Variants in NIPBL observed in about 807,000 individuals in gnomAD.
The protein encoded by NIPBL is nipped-B-like protein.
In NIPBL, 19 loss-of-function variants were observed where a neutral mutation model predicts 321.8. The observed-to-expected ratio is 0.06, with a 90% CI of 0.04 to 0.09. The LOEUF (loss-of-function observed/expected upper bound fraction) is 0.09, where lower values mean the gene tolerates loss of function less well. Ranked by LOEUF, NIPBL falls within the 10% of genes least tolerant of loss-of-function variation. NIPBL has a pLI of 1.00. For synonymous variants in NIPBL, 1,106 were observed against 1,114.1 expected, an observed-to-expected ratio of 0.99 and a Z score of 0.14; for missense variants, 2,210 against 3,327.0, an observed-to-expected ratio of 0.66 and a Z score of 8.26.
chr5:36,886,368 G>C (rs1035189005), intron 1 of NIPBL: 37 of 720,612 alleles, frequency 5.1e-5, no homozygotes, highest in Admixed American at 9.2e-5. Flanking sequence ...AAGATGGCAA[G>C]AACTTCAGTC....
At chr5:37,026,185 G>A (rs760071288) in intron 30 of NIPBL, 44 bp from the exon 31 acceptor site, 76 of 1,137,278 alleles carry the variant, frequency 6.7e-5, no homozygotes, top group Middle Eastern at 5.8e-4. Context: ...TGAAATTGCC[G>A]TATTTGTTAT....
chr5:36,955,748 T>TA (rs1464453370), intron 3 of NIPBL, 111 bp downstream of exon 3: 1 of 806,090 alleles, frequency 1.2e-6, no homozygotes, highest in Middle Eastern at 2.6e-4. Flanking sequence ...GTTTATTTTT[T>TA]AAAAATATCC....
chr5:36,995,657 C>G lies in NIPBL; in HGVS notation c.3157C>G (p.Pro1053Ala), dbSNP rs1025446953. 6.8e-6 allele frequency: 11 copies of G among 1,613,164 alleles called. No individual in the cohort carries two copies. The highest frequency in any genetic ancestry group is 9.3e-6 in the Non-Finnish European group (11 of 1,179,430). The change falls in exon 11 of 47, where the codon CCT (proline) becomes GCT (alanine). Residue 1053 changes from proline (P) to alanine (A), a missense_variant. This residue lies in a region of NIPBL where 381 missense variants were observed against 642.3 expected (regional missense o/e 0.59). Transcript: ENST00000282516. ...IDQSVLKELP[P>A]ELLAEIESTM... Reference sequence around the variant, plus strand: ...TCAATCAGTGTTAAAAGAATTACCCCCTGAACTCCTGGCAGAAATTGAGTC... The same window carrying G: ...TCAATCAGTGTTAAAAGAATTACCCGCTGAACTCCTGGCAGAAATTGAGTC...
intron 34 of NIPBL, among the ~76,000 whole-genome samples, chr5:37,043,304 T>A (rs780157335): frequency 6.6e-6 from 1 of 151,922 alleles, no homozygotes; most frequent in Admixed American, 6.6e-5. Flanking sequence ...CCGAGGCAGG[T>A]GGATCACGAG....
intron 19 of NIPBL, 114 bp downstream of exon 19, chr5:37,008,202 TC>T: frequency 1.4e-6 from 1 of 715,244 alleles, no homozygotes; most frequent in South Asian, 1.5e-5. Flanking sequence ...TACATTCATT[TC>T]AATCTAAGGA....
At position 36,961,555 on chromosome 5, in the gene NIPBL, C is replaced by G; in HGVS notation, c.430C>G (p.Gln144Glu). 1 of 1,607,982 alleles carries G rather than the reference C, an allele frequency of 6.2e-7. No individual in the cohort carries two copies. The highest frequency in any genetic ancestry group is 8.5e-7 in the Non-Finnish European group (1 of 1,174,542). ...TAGTCCTGCATCTTCCAATTATCAACAAACCACTATCTCACATAGCCCCTC... is the reference window on the plus strand; with the variant it reads ...TAGTCCTGCATCTTCCAATTATCAAGAAACCACTATCTCACATAGCCCCTC... The part of the protein sequence containing the change: ...HSSPASSNYQ[Q>E]TTISHSPSSR... Residue 144 changes from glutamine (Q) to glutamate (E), a missense_variant, in exon 5 of 47, where the codon CAA (glutamine) becomes GAA (glutamate). Physicochemically the swap from Gln to Glu is conservative, Grantham distance 29 (BLOSUM62 2). Coordinates refer to ENST00000282516, the MANE Select transcript of NIPBL (RefSeq NM_133433.4).
At chr5:37,046,272 A>G (rs1752970847) in intron 38 of NIPBL, 73 bp downstream of exon 38, 8 of 866,818 alleles carry the variant, frequency 9.2e-6, no homozygotes, top group East Asian at 2.5e-5. Context: ...TTGTGAATCT[A>G]AATTGTTGAT....
At chr5:37,049,437 G>A in intron 40 of NIPBL, 136 bp downstream of exon 40, 1 of 949,110 alleles carries the variant, frequency 1.1e-6, no homozygotes. Context: ...GAATCTGGCA[G>A]TTTTAGATAA....
chr5:37,033,730 A>ATTTTTTTTTTTT (rs58081432), intron 32 of NIPBL, among the ~76,000 whole-genome samples: 2 of 21,506 alleles, frequency 9.3e-5, no homozygotes, highest in African/African-American at 2.0e-4. Context: ...ATATATATAT[A>ATTTTTTTTTTTT]TTTTTTTTTT....
At chr5:36,910,522 T>C (rs1033085381) in intron 1 of NIPBL, among the ~76,000 whole-genome samples, 2 of 152,206 alleles carry the variant, frequency 1.3e-5, no homozygotes, top group African/African-American at 2.4e-5. Flanking sequence ...TTATTGTTCT[T>C]CCTGTCTTTA....
chr5:36,903,682 A>T (rs1747409083), intron 1 of NIPBL, among the ~76,000 whole-genome samples: 1 of 152,192 alleles, frequency 6.6e-6, no homozygotes, highest in Non-Finnish European at 1.5e-5. Context: ...GGAGAACTTT[A>T]TTTAAACTTT....
chr5:36,957,970 T>C, intron 3 of NIPBL, 134 bp from the exon 4 acceptor site: 2 of 780,742 alleles, frequency 2.6e-6, no homozygotes, highest in South Asian at 3.1e-5. Context: ...GGGACAAGAG[T>C]GAGACTTCGT....
rs1331956380 is a variant in NIPBL at position 36,889,927 on chromosome 5, TACATGCTGTTTGGGA to T, written c.-80+12751_-80+12765del. On this transcript the variant is annotated intron_variant, in intron 1 of 46. Coordinates refer to ENST00000282516, the MANE Select transcript of NIPBL (RefSeq NM_133433.4). ...GTAGAACCAATGTGAAAAAAAAAAC[TACATGCTGTTTGGGA>T]AATGGGAAAAATATCAAATTTTATG... is the stretch of plus-strand genomic sequence containing the variant. Among the ~76,000 whole-genome samples the T allele has an allele frequency of 8.1e-3, 1,232 of 152,046 alleles. 11 individuals are homozygous for T. The highest frequency in any genetic ancestry group is 0.028 in the African/African-American group (1,170 of 41,538).
intron 42 of NIPBL, among the ~76,000 whole-genome samples, chr5:37,053,066 G>A (rs1753738725): frequency 6.6e-6 from 1 of 152,052 alleles, no homozygotes; most frequent in African/African-American, 2.4e-5. Context: ...TGAAACCATG[G>A]ATAGTACTAA....
chr5:36,971,998 A>G lies in NIPBL; in HGVS notation c.825A>G (p.Pro275=). ...RNAASFPLRS[P]QPVCSPAGSE... ...CTGCATCTTTTCCCTTGAGATCTCC[A>G]CAGCCAGTATGCTCCCCTGCTGGAA... Residue 275 remains proline, a synonymous_variant, in exon 8 of 47, where the codon CCA becomes CCG. Coordinates refer to ENST00000282516, the MANE Select transcript of NIPBL (RefSeq NM_133433.4). 1 of 1,613,572 alleles carries G rather than the reference A, an allele frequency of 6.2e-7. No individual in the cohort carries two copies. The highest frequency in any genetic ancestry group is 8.5e-7 in the Non-Finnish European group (1 of 1,179,640).
chr5:36,985,769 T>C lies in NIPBL; in HGVS notation c.2589T>C (p.Thr863=), dbSNP rs775361188. 1.2e-6 allele frequency: 2 copies of C among 1,613,688 alleles called. No individual in the cohort carries two copies. The highest frequency in any genetic ancestry group is 2.2e-5 in the East Asian group (1 of 44,842). Residue 863 remains threonine (T), a synonymous_variant, in exon 10 of 47, where the codon ACT becomes ACC. Transcript: ENST00000282516. The part of the protein sequence containing the change: ...EHGIKSDSSK[T]DKLERKHRHE... ...GCATTAAATCTGATAGTTCAAAAACTGATAAACTAGAACGAAAACACAGGC... is the reference window on the plus strand; with the variant it reads ...GCATTAAATCTGATAGTTCAAAAACCGATAAACTAGAACGAAAACACAGGC...
At position 37,024,730 on chromosome 5, in the gene NIPBL, C is replaced by T; in HGVS notation, c.5709+11C>T. 5.0e-6 allele frequency: 8 copies of T among 1,603,336 alleles called. No individual in the cohort carries two copies. The highest frequency in any genetic ancestry group is 6.8e-6 in the Non-Finnish European group (8 of 1,173,692). Reference sequence around the variant, plus strand: ...GAAGAGGGCATTAAGGTAGTGTTGACTGTTTTAAATTTATTTTTCATTAAT... The same window carrying T: ...GAAGAGGGCATTAAGGTAGTGTTGATTGTTTTAAATTTATTTTTCATTAAT... On this transcript the variant is annotated intron_variant, in intron 30 of 46. Transcript: ENST00000282516.
intron 1 of NIPBL, among the ~76,000 whole-genome samples, chr5:36,881,057 C>G (rs1020113184): frequency 6.6e-6 from 1 of 151,958 alleles, no homozygotes; most frequent in African/African-American, 2.4e-5. Flanking sequence ...TTTCAATTAT[C>G]TAAGTTCAAA....
Position 37,008,049 on chromosome 5 carries a change from C to T in NIPBL, c.4281C>T (p.Val1427=). The change falls in exon 19 of 47, where the codon GTC becomes GTT. Residue 1427 remains valine (V), a synonymous_variant. Transcript: ENST00000282516. ...MGITPFFVEN[V]SELQLCAIKL... ...TAACACCATTTTTTGTGGAAAATGT[C>T]AGTGAACTACAGTTGTGTGCCATTA... 1 of 1,611,086 alleles carries T rather than the reference C, an allele frequency of 6.2e-7. No individual in the cohort carries two copies. The highest frequency in any genetic ancestry group is 8.5e-7 in the Non-Finnish European group (1 of 1,177,564).
Sources: allele counts gnomAD v4.1 joint callset (sites outside exome capture counted in the v4.1 genomes callset), GRCh38; gene constraint gnomAD v4.1.1; regional missense constraint gnomAD v4.1.1; transcripts MANE v1.5; gene names NCBI Gene and HGNC (gene_info 2026-07-23, HGNC 2026-07-21).